Variants in CEP97 observed in about 807,000 individuals in gnomAD.
CEP97 encodes centrosomal protein 97.
CEP97 carries 43 observed loss-of-function variants against 73.1 expected under a neutral mutation model. That is an observed-to-expected ratio of 0.59 (90% CI 0.46 to 0.76). CEP97 has a LOEUF of 0.76. Ranked by LOEUF, CEP97 falls within the 30% of genes least tolerant of loss-of-function variation. The probability of loss-of-function intolerance (pLI) is 0.00; values close to 1 mark genes in which losing one functional copy is unlikely to be tolerated. For missense variants in CEP97, 939 were observed against 1,014.0 expected (o/e 0.93, Z 1.00); for synonymous variants, 337 against 370.0 (o/e 0.91, Z 1.02).
chr3:101,765,611 T>A lies in CEP97; in HGVS notation c.*60T>A. The A allele has an allele frequency of 7.1e-7, 1 of 1,406,258 alleles. No homozygotes were observed. Among genetic ancestry groups the A allele is most frequent in the Non-Finnish European group, 9.7e-7 (1 of 1,031,992 alleles). 87.1% of individuals were successfully genotyped at this position (1,406,258 alleles called of 1,614,324 possible). A position where few individuals can be genotyped will look rare whatever the true frequency, so the allele number is the denominator to read the frequency against. On this transcript the variant is annotated 3_prime_UTR_variant, in exon 11 of 11. Coordinates refer to ENST00000341893, the MANE Select transcript of CEP97 (RefSeq NM_024548.4). ...TTCTTAAAAATACTTTCAGTTGCCT[T>A]TGCTTTTTTTTGGAGGGAAATACTC... is the stretch of plus-strand genomic sequence containing the variant.
intron 6 of CEP97, among the ~76,000 whole-genome samples, chr3:101,739,646 G>A (rs976205614): frequency 2.0e-5 from 3 of 152,070 alleles, no homozygotes; most frequent in Admixed American, 6.5e-5. Context: ...AGTGGCTCAC[G>A]ACTGTAATCC....
intron 10 of CEP97, chr3:101,763,151 T>C (rs769214284): frequency 2.4e-6 from 3 of 1,248,368 alleles, no homozygotes; most frequent in Admixed American, 2.4e-5. Context: ...CTCAAACTTC[T>C]GGGCTCAAGC....
chr3:101,733,881 C>A (rs1223429639), intron 6 of CEP97, among the ~76,000 whole-genome samples: 2 of 151,942 alleles, frequency 1.3e-5, no homozygotes, highest in Non-Finnish European at 2.9e-5. Flanking sequence ...GGCTGGAGTG[C>A]AATGGCGCGA....
intron 6 of CEP97, among the ~76,000 whole-genome samples, chr3:101,750,155 T>C (rs1474632635): frequency 3.4e-4 from 49 of 143,340 alleles, no homozygotes; most frequent in African/African-American, 1.2e-3. Flanking sequence ...TTAATCCATC[T>C]TGAATTGATT....
chr3:101,739,971 A>C (rs1938398979), intron 6 of CEP97, among the ~76,000 whole-genome samples: 1 of 152,096 alleles, frequency 6.6e-6, no homozygotes, highest in African/African-American at 2.4e-5. Flanking sequence ...GATGGAACAT[A>C]TCTCAAAATA....
intron 6 of CEP97, among the ~76,000 whole-genome samples, chr3:101,745,220 C>A (rs1024443606): frequency 1.3e-5 from 2 of 152,144 alleles, no homozygotes; most frequent in Non-Finnish European, 2.9e-5. Context: ...GTTAATATTC[C>A]TTTTTAAAAT....
chr3:101,752,761 T>C (rs1938874478), intron 6 of CEP97, among the ~76,000 whole-genome samples: 2 of 152,254 alleles, frequency 1.3e-5, no homozygotes, highest in Admixed American at 1.3e-4. Flanking sequence ...CTTTAAGCAC[T>C]TCTCTGTATT....
chr3:101,746,466 G>C (rs1167564496), intron 6 of CEP97, among the ~76,000 whole-genome samples: 1 of 150,686 alleles, frequency 6.6e-6, no homozygotes, highest in East Asian at 1.9e-4. Flanking sequence ...GGGAAAACTG[G>C]CTAGCCATAT....
intron 6 of CEP97, among the ~76,000 whole-genome samples, chr3:101,733,542 T>A (rs1235845838): frequency 3.9e-5 from 6 of 151,938 alleles, no homozygotes; most frequent in Non-Finnish European, 8.8e-5. Context: ...ATTTTTTATT[T>A]TTTTTTGAGA....
At position 101,755,511 on chromosome 3, in the gene CEP97, G is replaced by A. The variant is rs1359517641; in HGVS notation, c.810G>A (p.Leu270=). The change falls in exon 7 of 11, where the codon CTG becomes CTA. Residue 270 remains leucine, a synonymous_variant. Transcript: ENST00000341893. ...AGCACATCCAGCTTGTCCAATATCT[G>A]GCTACAGTCTGCCCCCTCACTTCTA... The part of the protein sequence containing the change: ...PGQHIQLVQY[L]ATVCPLTSTL... The A allele has an allele frequency of 6.2e-7, 1 of 1,613,724 alleles. No homozygotes were observed. The highest frequency in any genetic ancestry group is 1.1e-5 in the South Asian group (1 of 91,058).
chr3:101,767,015 A>G lies in CEP97; in HGVS notation c.*1464A>G, dbSNP rs935172456. Reference sequence around the variant, plus strand: ...TGATCATAGTTCACTATAACCTCGAACTCCTGGCTCAAGTGATCTCCCACT... The same window carrying G: ...TGATCATAGTTCACTATAACCTCGAGCTCCTGGCTCAAGTGATCTCCCACT... On this transcript the variant is annotated 3_prime_UTR_variant, in exon 11 of 11. Coordinates refer to ENST00000341893, the MANE Select transcript of CEP97 (RefSeq NM_024548.4). 1 of 151,844 alleles carries G rather than the reference A, an allele frequency of 6.6e-6. No individual in the cohort carries two copies. The highest frequency in any genetic ancestry group is 2.4e-5 in the African/African-American group (1 of 41,310). The allele number at this position is 151,844 out of a possible 1,614,324, so 9.4% of individuals were successfully genotyped here. A position where few individuals can be genotyped will look rare whatever the true frequency, so the allele number is the denominator to read the frequency against.
Position 101,757,093 on chromosome 3 carries a change from C to A in CEP97, c.924C>A (p.Ser308Arg), listed in dbSNP as rs1939026709. Residue 308 changes from serine to arginine, a missense_variant, in exon 8 of 11, where the codon AGC becomes AGA. Physicochemically the swap from Ser to Arg is moderately radical, Grantham distance 110 (BLOSUM62 -1). Transcript: ENST00000341893. ...RFHQRQLMNQ[S>R]QNEELSPLVP... is the part of the protein sequence containing the mutation. ...ACCAGAGGCAGTTGATGAACCAAAG[C>A]CAAAATGAAGAGTTGTCTCCTCTTG... 5.0e-6 allele frequency: 8 copies of A among 1,611,866 alleles called. No homozygotes were observed. Among genetic ancestry groups the A allele is most frequent in the Non-Finnish European group, 6.8e-6 (8 of 1,179,220 alleles).
chr3:101,725,877 G>T lies in CEP97; in HGVS notation c.44-717G>T, dbSNP rs201376203. Reference sequence around the variant, plus strand: ...GATGTTCTCAGTCCTTTTTTTTTTTGTTTTTTTTTTTACATTATCTCATTT... The same window carrying T: ...GATGTTCTCAGTCCTTTTTTTTTTTTTTTTTTTTTTTACATTATCTCATTT... On this transcript the variant is annotated intron_variant, in intron 1 of 10. Coordinates refer to ENST00000341893, the MANE Select transcript of CEP97 (RefSeq NM_024548.4). Among the ~76,000 whole-genome samples the T allele has an allele frequency of 3.1e-3, 430 of 139,462 alleles. 2 individuals carry two copies. Among genetic ancestry groups the T allele is most frequent in the Non-Finnish European group, 4.9e-3 (315 of 64,656 alleles). The allele number at this position is 139,462 out of a possible 152,430, so 91.5% of individuals were successfully genotyped here.
In CEP97 at chr3:101,732,626, G is replaced by A. The variant is rs571643144; in HGVS notation, c.700G>A (p.Asp234Asn). 1.9e-6 allele frequency: 3 copies of A among 1,611,328 alleles called. No homozygotes were observed. The highest frequency in any genetic ancestry group is 2.2e-5 in the South Asian group (2 of 90,506). The change falls in exon 6 of 11, where the codon GAT becomes AAT. Residue 234 changes from aspartate (D) to asparagine (N), a missense_variant. Coordinates refer to ENST00000341893, the MANE Select transcript of CEP97 (RefSeq NM_024548.4). ...VSWCLNLRVL[D>N]GYVISQKESL... Reference sequence around the variant, plus strand: ...CTGGTGCCTAAACCTCAGAGTCCTAGATGGATATGTGATTTCTCAGAAGGA... The same window carrying A: ...CTGGTGCCTAAACCTCAGAGTCCTAAATGGATATGTGATTTCTCAGAAGGA...
chr3:101,762,446 C>A, intron 9 of CEP97, 39 bp from the exon 10 acceptor site: 1 of 1,357,506 alleles, frequency 7.4e-7, no homozygotes, highest in Non-Finnish European at 1.0e-6. Flanking sequence ...AGTCAAAGCA[C>A]CCTTCCTTAT....
At chr3:101,761,215 G>A (rs1375155003) in intron 9 of CEP97, among the ~76,000 whole-genome samples, 2 of 152,136 alleles carry the variant, frequency 1.3e-5, no homozygotes, top group African/African-American at 4.8e-5. Flanking sequence ...CAGGGGGGAA[G>A]GATCATTGGA....
intron 6 of CEP97, among the ~76,000 whole-genome samples, chr3:101,739,628 C>T (rs374833919): frequency 2.0e-5 from 3 of 151,970 alleles, no homozygotes; most frequent in Non-Finnish European, 4.4e-5. Context: ...ACACCCCTGG[C>T]GGGGCGCAGT....
chr3:101,730,741 G>GA (rs1938084020), intron 4 of CEP97, among the ~76,000 whole-genome samples: 1 of 152,096 alleles, frequency 6.6e-6, no homozygotes, highest in South Asian at 2.1e-4. Context: ...TCACAGTCTT[G>GA]AAAAACATGT....
chr3:101,727,361 AC>A lies in CEP97; in HGVS notation c.187-21del. ...TTTATATATGTTATTCCTAAAAATA[AC>A]AATATGTTTCCTTTTTACAGTTATC... On this transcript the variant is annotated intron_variant, in intron 2 of 10. Transcript: ENST00000341893. 2.6e-6 allele frequency: 4 copies of A among 1,535,744 alleles called. No individual in the cohort carries two copies. The Admixed American group carries it at 7.3e-5, about 28-fold the overall frequency.
Sources: gnomAD v4.1 joint callset for allele counts (sites outside exome capture counted in the v4.1 genomes callset) on GRCh38, gnomAD v4.1.1 for gene constraint, MANE v1.5 for transcripts, NCBI Gene and HGNC (gene_info 2026-07-23, HGNC 2026-07-21) for gene names.